NEK1: variants seen among roughly 807,000 people sequenced by gnomAD.
The protein encoded by NEK1 is serine/threonine-protein kinase Nek1.
In NEK1, 137 loss-of-function variants were observed where a neutral mutation model predicts 182.1. That is an observed-to-expected ratio of 0.75 (90% CI 0.65 to 0.87). The LOEUF is 0.87. Ranked by LOEUF, NEK1 falls within the 40% of genes least tolerant of loss-of-function variation. The pLI is 0.00. For synonymous variants in NEK1, 513 were observed against 492.2 expected (o/e 1.04, Z -0.56); for missense variants, 1,391 against 1,494.4 (o/e 0.93, Z 1.14).
chr4:169,406,165 C>A (rs527765285), intron 32 of NEK1, among the ~76,000 whole-genome samples: 2 of 104,064 alleles, frequency 1.9e-5, no homozygotes, highest in African/African-American at 8.0e-5. Flanking sequence ...GTCTCACATT[C>A]CTCCTGCCTT....
chr4:169,465,287 T>C (rs1284536871), intron 26 of NEK1, among the ~76,000 whole-genome samples: 3 of 152,066 alleles, frequency 2.0e-5, no homozygotes, highest in Admixed American at 6.6e-5. Flanking sequence ...AAAACTGGGA[T>C]AACTAAATGT....
chr4:169,541,129 C>T (rs1357345838), intron 18 of NEK1, among the ~76,000 whole-genome samples: 3 of 151,876 alleles, frequency 2.0e-5, no homozygotes, highest in African/African-American at 7.3e-5. Context: ...TGGTATTGGG[C>T]AGAAGAGATG....
chr4:169,418,233 T>C (rs111982330), intron 31 of NEK1, among the ~76,000 whole-genome samples: 2 of 152,288 alleles, frequency 1.3e-5, no homozygotes, highest in African/African-American at 2.4e-5. Flanking sequence ...AACTTTACAC[T>C]TGTCCTAGCA....
At chr4:169,574,486 A>G (rs1266291629) in intron 12 of NEK1, among the ~76,000 whole-genome samples, 2 of 152,078 alleles carry the variant, frequency 1.3e-5, no homozygotes, top group African/African-American at 4.8e-5. Context: ...GTAGTCCCAC[A>G]GTCCCAGCTA....
chr4:169,491,475 A>T (rs79469621), intron 23 of NEK1, among the ~76,000 whole-genome samples: 10,682 of 152,166 alleles, frequency 0.07, 1,243 homozygotes, highest in African/African-American at 0.24. Flanking sequence ...GGTGCTAATT[A>T]AAAAAACCCT....
chr4:169,570,687 C>T (rs1764657669), intron 12 of NEK1, among the ~76,000 whole-genome samples: 1 of 152,154 alleles, frequency 6.6e-6, no homozygotes, highest in African/African-American at 2.4e-5. Flanking sequence ...TGCCCAGCGG[C>T]TCATTGAGAA....
chr4:169,487,658 T>A (rs572419236), intron 23 of NEK1, among the ~76,000 whole-genome samples: 1 of 152,228 alleles, frequency 6.6e-6, no homozygotes, highest in Non-Finnish European at 1.5e-5. Context: ...GAATGATTTA[T>A]ATATTTTGGG....
chr4:169,607,066 C>A (rs1310248692), intron 2 of NEK1, among the ~76,000 whole-genome samples: 6 of 152,214 alleles, frequency 3.9e-5, no homozygotes, highest in Non-Finnish European at 1.5e-5. Context: ...ACAGTAAGTT[C>A]TGCTCCTGTT....
chr4:169,508,004 C>T (rs182179416), intron 21 of NEK1, among the ~76,000 whole-genome samples: 22 of 152,154 alleles, frequency 1.4e-4, no homozygotes, highest in Non-Finnish European at 2.8e-4. Context: ...ATATAAAATG[C>T]ATTTTAATCC....
At chr4:169,409,716 C>T (rs1007212796) in intron 31 of NEK1, among the ~76,000 whole-genome samples, 2 of 151,974 alleles carry the variant, frequency 1.3e-5, no homozygotes, top group Middle Eastern at 3.4e-3. Context: ...TGTAGTGAGC[C>T]GAGATCACAC....
At chr4:169,482,596 G>A (rs1037818117) in intron 23 of NEK1, among the ~76,000 whole-genome samples, 3 of 151,022 alleles carry the variant, frequency 2.0e-5, no homozygotes, top group African/African-American at 7.3e-5. Context: ...ACAGGCACCT[G>A]GCTGTTTCGC....
intron 23 of NEK1, among the ~76,000 whole-genome samples, chr4:169,503,877 A>C (rs773081156): frequency 6.6e-6 from 1 of 152,066 alleles, no homozygotes; most frequent in Non-Finnish European, 1.5e-5. Flanking sequence ...AATGGACTTG[A>C]TTGCACATCA....
chr4:169,552,541 G>A (rs985032984), intron 18 of NEK1, among the ~76,000 whole-genome samples: 14 of 152,074 alleles, frequency 9.2e-5, no homozygotes, highest in African/African-American at 3.4e-4. Context: ...ACAAGACAAA[G>A]ATGTCCTTCT....
chr4:169,601,230 T>C (rs1217939487), intron 4 of NEK1, among the ~76,000 whole-genome samples: 2 of 152,208 alleles, frequency 1.3e-5, no homozygotes, highest in African/African-American at 4.8e-5. Context: ...TTAGCTCTAA[T>C]TCAGACTCTG....
intron 12 of NEK1, among the ~76,000 whole-genome samples, chr4:169,569,391 C>T (rs949394698): frequency 6.6e-6 from 1 of 152,006 alleles, no homozygotes; most frequent in Non-Finnish European, 1.5e-5. Flanking sequence ...ATATCGTCAG[C>T]AGCTGCTTTT....
At chr4:169,597,700 T>C (rs1264696488) in intron 5 of NEK1, among the ~76,000 whole-genome samples, 1 of 151,920 alleles carries the variant, frequency 6.6e-6, no homozygotes, top group Non-Finnish European at 1.5e-5. Flanking sequence ...TTTGGGAGAC[T>C]GAGGCGGGCA....
At chr4:169,447,482 C>T (rs1220344828) in intron 27 of NEK1, among the ~76,000 whole-genome samples, 1 of 152,046 alleles carries the variant, frequency 6.6e-6, no homozygotes, top group African/African-American at 2.4e-5. Flanking sequence ...TAAAATTCAC[C>T]AGTAATAGTA....
chr4:169,558,123 G>A (rs1015195060), intron 16 of NEK1, among the ~76,000 whole-genome samples: 5 of 152,110 alleles, frequency 3.3e-5, no homozygotes, highest in Non-Finnish European at 7.4e-5. Context: ...TATTTCCTAT[G>A]AAACTGGTTA....
intron 12 of NEK1, among the ~76,000 whole-genome samples, chr4:169,569,467 C>CCTCCGTCT (rs1554070205): frequency 8.5e-6 from 1 of 118,220 alleles, no homozygotes; most frequent in East Asian, 2.4e-4. Flanking sequence ...TCTCTCCCTC[C>CCTCCGTCT]CTCCCTCTCT....
Sources: allele counts gnomAD v4.1 joint callset (sites outside exome capture counted in the v4.1 genomes callset), GRCh38; gene constraint gnomAD v4.1.1; transcripts MANE v1.5; gene names NCBI Gene and HGNC (gene_info 2026-07-23, HGNC 2026-07-21).